Variants in MALT1 observed in about 807,000 individuals in gnomAD.
The protein encoded by MALT1 is mucosa-associated lymphoid tissue lymphoma translocation protein 1.
MALT1 carries 36 observed loss-of-function variants against 85.5 expected under a neutral mutation model. The ratio of observed to expected loss-of-function variants is 0.42; its 90% confidence interval spans 0.32 to 0.56. The LOEUF (loss-of-function observed/expected upper bound fraction) is 0.56, where lower values mean the gene tolerates loss of function less well. MALT1 is among the 20% of genes least tolerant of loss of function. MALT1 has a pLI of 0.10. For missense variants in MALT1, 716 were observed against 981.6 expected (o/e 0.73, Z 3.62); for synonymous variants, 359 against 361.3 (o/e 0.99, Z 0.07).
intron 13 of MALT1, 30 bp from the exon 14 acceptor site, chr18:58,741,835 A>C (rs1169500092): frequency 7.3e-7 from 1 of 1,367,736 alleles, no homozygotes; most frequent in East Asian, 2.4e-5. Context: ...TGGTGGTCTT[A>C]AAAATAATAT....
intron 3 of MALT1, among the ~76,000 whole-genome samples, chr18:58,698,799 C>T (rs2054631104): frequency 1.3e-5 from 2 of 152,000 alleles, no homozygotes; most frequent in African/African-American, 2.4e-5. Flanking sequence ...TGGGTTTCTT[C>T]AGGAAAGACA....
rs1417998206 is a variant in MALT1, at chr18:58,723,247, A to G, written c.1218A>G (p.Val406=). The change falls in exon 10 of 17, where the codon GTA becomes GTG. Residue 406 remains valine, a synonymous_variant. Transcript: ENST00000649217. The stretch of plus-strand genomic sequence containing the variant: ...TTTTACTCCTTTTAGACAAGGGAGT[A>G]TATGGTAAGATATTTATAATGTTTG... ...DEFLLLLDKG[V]YGLLYYAGHG... The G allele has an allele frequency of 3.8e-6, 6 of 1,595,930 alleles. No individual in the cohort carries two copies. Among genetic ancestry groups the G allele is most frequent in the Admixed American group, 1.7e-5 (1 of 59,888 alleles).
intron 9 of MALT1, among the ~76,000 whole-genome samples, chr18:58,722,100 GTTCT>G (rs766409978): frequency 1.2e-3 from 128 of 108,600 alleles, no homozygotes; most frequent in Non-Finnish European, 2.4e-3. Context: ...GTTTTGGTGT[GTTCT>G]TTATTTTTTT....
intron 3 of MALT1, among the ~76,000 whole-genome samples, chr18:58,698,615 T>C (rs2054628496): frequency 6.6e-6 from 1 of 152,158 alleles, no homozygotes; most frequent in Non-Finnish European, 1.5e-5. Context: ...GCATCTGAGA[T>C]GTGTTATATA....
At position 58,681,340 on chromosome 18, in the gene MALT1, G is replaced by A; in HGVS notation, c.376+4G>A. The stretch of plus-strand genomic sequence containing the variant: ...CTTCAGCTTCTCAGCCCCCCAGGTA[G>A]GTTTTGTTCTTAGGATTATTCTCCA... On this transcript the variant is annotated splice_donor_region_variant and intron_variant, in intron 2 of 16. Transcript: ENST00000649217. 6.2e-7 allele frequency: 1 copy of A among 1,611,218 alleles called. No individual in the cohort carries two copies. The highest frequency in any genetic ancestry group is 8.5e-7 in the Non-Finnish European group (1 of 1,178,672).
intron 12 of MALT1, 63 bp from the exon 13 acceptor site, chr18:58,735,139 T>G: frequency 1.4e-6 from 2 of 1,399,408 alleles, no homozygotes; most frequent in Non-Finnish European, 1.9e-6. Flanking sequence ...CATCCACATA[T>G]AAGTGAGAAC....
chr18:58,687,378 A>G (rs142124999), intron 2 of MALT1, among the ~76,000 whole-genome samples: 1 of 152,226 alleles, frequency 6.6e-6, no homozygotes, highest in Non-Finnish European at 1.5e-5. Context: ...AGATTTAGCT[A>G]TAATCTATAC....
chr18:58,711,647 T>C (rs2054832481), intron 7 of MALT1, among the ~76,000 whole-genome samples: 1 of 152,222 alleles, frequency 6.6e-6, no homozygotes, highest in African/African-American at 2.4e-5. Context: ...TGATGTCACA[T>C]TGTTTTGCAA....
intron 4 of MALT1, among the ~76,000 whole-genome samples, chr18:58,704,499 G>A (rs759659995): frequency 6.6e-6 from 1 of 152,122 alleles, no homozygotes; most frequent in East Asian, 1.9e-4. Context: ...CTCTGTCACC[G>A]AGGTTGGAGT....
intron 15 of MALT1, 105 bp from the exon 16 acceptor site, chr18:58,745,561 A>G (rs1460187662): frequency 2.1e-6 from 2 of 957,542 alleles, no homozygotes; most frequent in African/African-American, 3.3e-5. Context: ...ACGAGAGGCC[A>G]GAATTCACGA....
intron 3 of MALT1, among the ~76,000 whole-genome samples, chr18:58,697,018 A>C (rs1881575591): frequency 4.6e-5 from 7 of 152,172 alleles, no homozygotes. Flanking sequence ...CAAATAATTT[A>C]AATTCACATT....
At chr18:58,712,087 C>T (rs992419377) in intron 7 of MALT1, among the ~76,000 whole-genome samples, 21 of 152,134 alleles carry the variant, frequency 1.4e-4, no homozygotes, top group Non-Finnish European at 2.5e-4. Context: ...GCTTCTGTAC[C>T]TGCAGTATTC....
At chr18:58,743,142 A>G (rs1463777382) in intron 14 of MALT1, among the ~76,000 whole-genome samples, 1 of 152,216 alleles carries the variant, frequency 6.6e-6, no homozygotes, top group Non-Finnish European at 1.5e-5. Flanking sequence ...TGGGAGGCCA[A>G]GGTGGGTAGA....
In MALT1 at chr18:58,710,934, G is replaced by A; in HGVS notation, c.939G>A (p.Glu313=). ...KVEIIIGRTD[E]AVECTEDELN... ...TTCTGAAACAAGGAAGAACAGATGA[G>A]GCAGTGGAGTGCACTGAAGGTAGTG... Residue 313 remains glutamate, a synonymous_variant, in exon 7 of 17, where the codon GAG becomes GAA. Coordinates refer to ENST00000649217, the MANE Select transcript of MALT1 (RefSeq NM_006785.4). The A allele has an allele frequency of 6.3e-7, 1 of 1,580,760 alleles. No individual in the cohort carries two copies. The highest frequency in any genetic ancestry group is 8.6e-7 in the Non-Finnish European group (1 of 1,167,080).
At chr18:58,683,462 A>G (rs906887341) in intron 2 of MALT1, among the ~76,000 whole-genome samples, 3 of 152,186 alleles carry the variant, frequency 2.0e-5, no homozygotes, top group Non-Finnish European at 4.4e-5. Flanking sequence ...CAGGGGCCTC[A>G]TATCTCTTTT....
rs757089912 is a variant in MALT1 at position 58,748,890 on chromosome 18, TAGGAG to T, written c.*1053_*1057del. ...ATTTTTTGCACACTGTTTCTAAAAG[TAGGAG>T]AGGAAAGAACACTTCCCAACTTACT... On this transcript the variant is annotated 3_prime_UTR_variant, in exon 17 of 17. Coordinates refer to ENST00000649217, the MANE Select transcript of MALT1 (RefSeq NM_006785.4). The T allele has an allele frequency of 4.8e-6, 1 of 207,926 alleles. No homozygotes were observed. Among genetic ancestry groups the T allele is most frequent in the Non-Finnish European group, 9.8e-6 (1 of 102,080 alleles). The allele number at this position is 207,926 out of a possible 1,614,324, so 12.9% of individuals were successfully genotyped here.
chr18:58,691,200 T>G (rs555512550), intron 2 of MALT1: 119 of 303,620 alleles, frequency 3.9e-4, no homozygotes, highest in African/African-American at 2.5e-3. Flanking sequence ...TCTTCAGGAA[T>G]GCAATGTTTC....
At chr18:58,679,366 A>T (rs751064980) in intron 1 of MALT1, among the ~76,000 whole-genome samples, 4 of 152,274 alleles carry the variant, frequency 2.6e-5, no homozygotes, top group Non-Finnish European at 5.9e-5. Context: ...TTGGCTTTGC[A>T]GCCAGGTATT....
chr18:58,738,786 C>T (rs1568154057), intron 13 of MALT1, among the ~76,000 whole-genome samples: 1 of 97,682 alleles, frequency 1.0e-5, no homozygotes, highest in Non-Finnish European at 2.2e-5. Context: ...TTTGTGCATT[C>T]TTCTGTGTGT....
Sources: gnomAD v4.1 joint callset for allele counts (sites outside exome capture counted in the v4.1 genomes callset) on GRCh38, gnomAD v4.1.1 for gene constraint, MANE v1.5 for transcripts, NCBI Gene and HGNC (gene_info 2026-07-23, HGNC 2026-07-21) for gene names.